GLI2: variants seen among roughly 807,000 people sequenced by gnomAD.
GLI2 encodes the protein GLI family zinc finger 2.
Under a neutral mutation model 78.9 loss-of-function variants are expected in GLI2, and 22 were observed. That is an observed-to-expected ratio of 0.28 (90% CI 0.20 to 0.40). GLI2 has a LOEUF of 0.40. GLI2 is among the 10% of genes least tolerant of loss of function. The pLI is 1.00. For synonymous variants in GLI2, 974 were observed against 963.7 expected (o/e 1.01, Z -0.20); for missense variants, 2,097 against 2,213.2 (o/e 0.95, Z 1.05).
intron 2 of GLI2, among the ~76,000 whole-genome samples, 195 bp downstream of exon 2, chr2:120,797,663 C>T (rs1684466724): frequency 1.4e-5 from 2 of 147,592 alleles, no homozygotes. Context: ...GGTCTGGCCA[C>T]CCCAAGTCCA....
chr2:120,762,205 T>A (rs1683236090), intron 1 of GLI2, among the ~76,000 whole-genome samples: 2 of 151,824 alleles, frequency 1.3e-5, no homozygotes, highest in African/African-American at 4.8e-5. Flanking sequence ...TGGGGCAGGG[T>A]CCCTGGCTCT....
chr2:120,978,556 C>T lies in GLI2; in HGVS notation c.1440C>T (p.His480=), dbSNP rs756915793. The change falls in exon 10 of 14, where the codon CAC becomes CAT. Residue 480 remains histidine (H), a synonymous_variant. Transcript: ENST00000361492. ...QYMLVVHMRR[H]TGEKPHKCTF... ...TGCTGGTGGTGCACATGCGGCGACA[C>T]ACGGGCGAGAAGCCCCACAAGTGCA... 3 of 1,613,836 alleles carry T rather than the reference C, an allele frequency of 1.9e-6. No homozygotes were observed. Among genetic ancestry groups the T allele is most frequent in the Non-Finnish European group, 2.5e-6 (3 of 1,180,008 alleles).
intron 2 of GLI2, among the ~76,000 whole-genome samples, chr2:120,922,163 G>A (rs1679409303): frequency 6.6e-6 from 1 of 152,196 alleles, no homozygotes; most frequent in South Asian, 2.1e-4. Flanking sequence ...CTGCCACATA[G>A]CAAATGCTTG....
Position 120,942,942 on chromosome 2 carries a change from A to ACTCATTCATTCATTCGTTCACGCC in GLI2, c.255-8297_255-8296insTTCATTCATTCGTTCACGCCCTCA, listed in dbSNP as rs1344284748. On this transcript the variant is annotated intron_variant, in intron 3 of 13. Transcript: ENST00000361492. Reference sequence around the variant, plus strand: ...CATTCATTCATTCGTTCACACCCTCACTCACTCATTCATTCATTCGTTCAC... The same window carrying ACTCATTCATTCATTCGTTCACGCC: ...CATTCATTCATTCGTTCACACCCTCACTCATTCATTCATTCGTTCACGCCCTCACTCATTCATTCATTCGTTCAC... 8.5e-5 allele frequency among the ~76,000 whole-genome samples: 12 copies of ACTCATTCATTCATTCGTTCACGCC among 141,896 alleles called. No individual in the cohort carries two copies. In the South Asian group the frequency reaches 1.9e-3, roughly 22 times the overall value. 93.1% of individuals were successfully genotyped at this position (141,896 alleles called of 152,430 possible). A position where few individuals can be genotyped will look rare whatever the true frequency, so the allele number is the denominator to read the frequency against.
intron 2 of GLI2, among the ~76,000 whole-genome samples, chr2:120,799,630 G>A (rs974974544): frequency 1.3e-5 from 2 of 152,198 alleles, no homozygotes; most frequent in East Asian, 1.9e-4. Context: ...TGGGAGGTGC[G>A]CTGGCCTGGG....
At chr2:120,886,621 A>G (rs113134289) in intron 2 of GLI2, among the ~76,000 whole-genome samples, 5 of 152,198 alleles carry the variant, frequency 3.3e-5, no homozygotes, top group Non-Finnish European at 5.9e-5. Flanking sequence ...CAGAGAGCTC[A>G]TACTAGCCTT....
At chr2:120,794,442 T>G (rs1051921020) in intron 1 of GLI2, among the ~76,000 whole-genome samples, 1 of 152,022 alleles carries the variant, frequency 6.6e-6, no homozygotes, top group South Asian at 2.1e-4. Flanking sequence ...TGGAGTGATA[T>G]GTGGTTTCTG....
At chr2:120,930,961 T>C (rs545487647) in intron 3 of GLI2, among the ~76,000 whole-genome samples, 1 of 152,304 alleles carries the variant, frequency 6.6e-6, no homozygotes, top group South Asian at 2.1e-4. Context: ...CCGTGGATGC[T>C]GGCATGCAGC....
chr2:120,845,838 T>C (rs1687091217), intron 2 of GLI2, among the ~76,000 whole-genome samples: 1 of 152,206 alleles, frequency 6.6e-6, no homozygotes, highest in Non-Finnish European at 1.5e-5. Flanking sequence ...TATGTAGATA[T>C]TGTTGCTGAG....
At position 120,970,655 on chromosome 2, in the gene GLI2, C is replaced by T. The variant is rs1682103757; in HGVS notation, c.1059+49C>T. 2.1e-6 allele frequency: 3 copies of T among 1,447,880 alleles called. No homozygotes were observed. In the Admixed American group the frequency reaches 5.1e-5, roughly 25 times the overall value. 89.7% of individuals were successfully genotyped at this position (1,447,880 alleles called of 1,614,324 possible). A position where few individuals can be genotyped will look rare whatever the true frequency, so the allele number is the denominator to read the frequency against. ...TGGCCACTGGGTACTCATCTGGACACATGAGGGTTGTTCACTGCCAGCTCA... is the reference window on the plus strand; with the variant it reads ...TGGCCACTGGGTACTCATCTGGACATATGAGGGTTGTTCACTGCCAGCTCA... On this transcript the variant is annotated intron_variant, in intron 7 of 13. Coordinates refer to ENST00000361492, the MANE Select transcript of GLI2 (RefSeq NM_001374353.1).
intron 2 of GLI2, among the ~76,000 whole-genome samples, chr2:120,913,226 G>C (rs1678922012): frequency 6.6e-6 from 1 of 152,156 alleles, no homozygotes; most frequent in South Asian, 2.1e-4. Flanking sequence ...GGCCTGAGCT[G>C]TTCAGTAGGG....
intron 13 of GLI2, among the ~76,000 whole-genome samples, 160 bp downstream of exon 13, chr2:120,986,774 G>A (rs1323565163): frequency 1.3e-5 from 2 of 152,156 alleles, no homozygotes; most frequent in Admixed American, 1.3e-4. Flanking sequence ...GAGGTGAAAT[G>A]CCTTACCCAA....
chr2:120,892,067 A>T (rs547737361), intron 2 of GLI2, among the ~76,000 whole-genome samples: 1 of 149,338 alleles, frequency 6.7e-6, no homozygotes, highest in South Asian at 2.2e-4. Flanking sequence ...AGCACTTTGG[A>T]CAAAGCTTGA....
chr2:120,982,961 T>C, intron 11 of GLI2, 81 bp downstream of exon 11: 2 of 1,410,978 alleles, frequency 1.4e-6, no homozygotes, highest in East Asian at 4.6e-5. Flanking sequence ...TGTAGTCCAG[T>C]AGATAGCCAG....
chr2:120,908,466 C>T (rs1005759015), intron 2 of GLI2, among the ~76,000 whole-genome samples: 3 of 152,186 alleles, frequency 2.0e-5, no homozygotes, highest in Non-Finnish European at 4.4e-5. Context: ...CGTGCAGACT[C>T]ATGCTCTAGA....
intron 2 of GLI2, 111 bp from the exon 3 acceptor site, chr2:120,927,250 G>A: frequency 1.2e-6 from 1 of 829,350 alleles, no homozygotes; most frequent in Non-Finnish European, 2.1e-6. Context: ...GGAGCCCCTT[G>A]TCCTGGCTGC....
chr2:120,939,990 G>A (rs796458921), intron 3 of GLI2, among the ~76,000 whole-genome samples: 21 of 152,282 alleles, frequency 1.4e-4, no homozygotes, highest in African/African-American at 5.1e-4. Context: ...GCTCTTTTCT[G>A]TGATTCTAAT....
intron 2 of GLI2, among the ~76,000 whole-genome samples, chr2:120,836,664 G>A (rs1686626183): frequency 6.6e-6 from 1 of 152,196 alleles, no homozygotes; most frequent in African/African-American, 2.4e-5. Context: ...AAGTATTAAA[G>A]TTTTGTCAGA....
chr2:120,882,264 G>T (rs181194477), intron 2 of GLI2, among the ~76,000 whole-genome samples: 1 of 152,292 alleles, frequency 6.6e-6, no homozygotes, highest in East Asian at 1.9e-4. Context: ...GGCAGCCAGG[G>T]CGTGAGGCCT....
Sources: allele counts gnomAD v4.1 joint callset (sites outside exome capture counted in the v4.1 genomes callset), GRCh38; gene constraint gnomAD v4.1.1; transcripts MANE v1.5; gene names NCBI Gene and HGNC (gene_info 2026-07-23, HGNC 2026-07-21).